Variants in EMSY observed in about 807,000 individuals in gnomAD.
The protein encoded by EMSY is EMSY transcriptional repressor, BRCA2 interacting.
EMSY carries 26 observed loss-of-function variants against 134.6 expected under a neutral mutation model. The ratio of observed to expected loss-of-function variants is 0.19; its 90% CI spans 0.14 to 0.27. The LOEUF (loss-of-function observed/expected upper bound fraction) is 0.27, where lower values mean the gene tolerates loss of function less well. EMSY is among the 10% of genes least tolerant of loss of function. EMSY has a pLI of 1.00. For missense variants in EMSY, 1,305 were observed against 1,611.4 expected, an observed-to-expected ratio of 0.81 and a Z score of 3.26; for synonymous variants, 579 against 577.8, an observed-to-expected ratio of 1.00 and a Z score of -0.03.
Position 76,544,604 on chromosome 11 carries a change from C to T in EMSY, c.3055C>T (p.Gln1019Ter), listed in dbSNP as rs2136763842. Residue 1019 changes from glutamine to a stop codon, truncating the protein, a stop_gained, in exon 19 of 21, where the codon CAG (glutamine) becomes TAG (stop). Coordinates refer to ENST00000334736, the Ensembl canonical transcript of EMSY. LOFTEE classifies it high-confidence loss of function. Reference sequence around the variant, plus strand: ...ACAAGCACAGCCCAAGCCAGATGTACAGCACACACAGCATCCCATGGTGGC... The same window carrying T: ...ACAAGCACAGCCCAAGCCAGATGTATAGCACACACAGCATCCCATGGTGGC... 1 of 1,614,142 alleles carries T rather than the reference C, an allele frequency of 6.2e-7. No homozygotes were observed. Among genetic ancestry groups the T allele is most frequent in the South Asian group, 1.1e-5 (1 of 91,070 alleles).
intron 8 of EMSY, among the ~76,000 whole-genome samples, chr11:76,481,693 C>T (rs1590853238): frequency 6.6e-6 from 1 of 152,228 alleles, no homozygotes; most frequent in Admixed American, 6.5e-5. Flanking sequence ...GACTGCCTCT[C>T]TAGATTCCTC....
chr11:76,526,864 G>T (rs1300011803), intron 13 of EMSY, among the ~76,000 whole-genome samples: 2 of 152,104 alleles, frequency 1.3e-5, no homozygotes, highest in African/African-American at 4.8e-5. Flanking sequence ...AAAGATTATG[G>T]GGAAATAATT....
At chr11:76,528,899 A>G (rs1350690090) in intron 14 of EMSY, among the ~76,000 whole-genome samples, 1 of 152,126 alleles carries the variant, frequency 6.6e-6, no homozygotes. Context: ...GTGGGCTGTA[A>G]GTAGGGTGAC....
At chr11:76,511,070 G>A (rs974517474) in intron 9 of EMSY, among the ~76,000 whole-genome samples, 4 of 152,052 alleles carry the variant, frequency 2.6e-5, no homozygotes, top group Non-Finnish European at 2.9e-5. Context: ...AGCCGATGCC[G>A]CCGTGCCAGA....
intron 7 of EMSY, among the ~76,000 whole-genome samples, chr11:76,470,770 C>G (rs79353237): frequency 6.6e-6 from 1 of 152,174 alleles, no homozygotes; most frequent in African/African-American, 2.4e-5. Context: ...GTATAAAAAT[C>G]TAAATTCCAC....
In EMSY at chr11:76,490,855, G is replaced by GTGTGT. The variant is rs1019049625; in HGVS notation, c.1109-5360_1109-5359insTGTGT. On this transcript the variant is annotated intron_variant, in intron 8 of 20. Transcript: ENST00000334736. ...GTTCTGGATATGTTCATTGCTAGGG[G>GTGTGT]GTGTGTGTGTGTGTGTGTGTGTGTG... is the stretch of plus-strand genomic sequence containing the variant. Among the ~76,000 whole-genome samples the GTGTGT allele has an allele frequency of 4.2e-4, 62 of 148,686 alleles. No individual in the cohort carries two copies. In the South Asian group the frequency reaches 7.1e-3, roughly 17 times the overall value.
At position 76,446,889 on chromosome 11, in the gene EMSY, TG is replaced by T. The variant is rs1407144927; in HGVS notation, c.-39-10del. 10 of 1,562,178 alleles carry T rather than the reference TG, an allele frequency of 6.4e-6. No individual in the cohort carries two copies. The highest frequency in any genetic ancestry group is 1.7e-4 in the Middle Eastern group (1 of 5,822). On this transcript the variant is annotated splice_polypyrimidine_tract_variant and intron_variant, in intron 1 of 20. Transcript: ENST00000334736. Reference sequence around the variant, plus strand: ...CTTTGGTAATTTGACTTTTTTTTTTTGTTCTGGTAGGGAGGACAAGCTCTTT... The same window carrying T: ...CTTTGGTAATTTGACTTTTTTTTTTTTTCTGGTAGGGAGGACAAGCTCTTT...
At chr11:76,447,472 A>C (rs1472461397) in intron 2 of EMSY, among the ~76,000 whole-genome samples, 2 of 152,200 alleles carry the variant, frequency 1.3e-5, no homozygotes, top group African/African-American at 4.8e-5. Flanking sequence ...TCATGATTGT[A>C]TGTGTCAATT....
rs928521094 is a variant in EMSY, at chr11:76,513,642, G to A, written c.1513+107G>A. On this transcript the variant is annotated intron_variant, in intron 10 of 20. Transcript: ENST00000334736. ...TTGGGATATAGAGATTAATGGGACA[G>A]TTTTTCAAAGAGGCCTTTCTTGATT... 4 of 1,225,906 alleles carry A rather than the reference G, an allele frequency of 3.3e-6. No individual in the cohort carries two copies. The East Asian group carries it at 1.0e-4, about 31-fold the overall frequency. The allele number at this position is 1,225,906 out of a possible 1,614,324, so 75.9% of individuals were successfully genotyped here.
chr11:76,500,108 T>TA (rs1337532193), intron 9 of EMSY, among the ~76,000 whole-genome samples: 52 of 146,480 alleles, frequency 3.5e-4, no homozygotes, highest in Admixed American at 1.8e-3. Flanking sequence ...CCCAAAACAA[T>TA]AAAAAAAATA....
chr11:76,531,216 A>T lies in EMSY; in HGVS notation c.2194+2750A>T, dbSNP rs757161889. On this transcript the variant is annotated intron_variant, in intron 14 of 20. Transcript: ENST00000334736. ...TAAGATACAGTTATCAAAGTCAAGA[A>T]ATTTAATGTTATAATAATTATCTAA... Among the ~76,000 whole-genome samples the T allele has an allele frequency of 3.8e-4, 58 of 152,188 alleles. 2 individuals are homozygous for T. The highest frequency in any genetic ancestry group is 3.7e-4 in the Non-Finnish European group (25 of 68,032).
intron 9 of EMSY, among the ~76,000 whole-genome samples, chr11:76,498,645 C>G (rs1949740199): frequency 6.6e-6 from 1 of 151,932 alleles, no homozygotes; most frequent in Non-Finnish European, 1.5e-5. Context: ...TAAAAAATTT[C>G]CATTCTTAAA....
intron 9 of EMSY, among the ~76,000 whole-genome samples, chr11:76,510,543 G>C (rs1261614653): frequency 3.9e-5 from 6 of 152,164 alleles, no homozygotes; most frequent in African/African-American, 1.4e-4. Flanking sequence ...AGCAGCCAAA[G>C]GTCCTCACAG....
chr11:76,448,821 G>A (rs60296855), intron 2 of EMSY, among the ~76,000 whole-genome samples: 1 of 151,984 alleles, frequency 6.6e-6, no homozygotes, highest in Admixed American at 6.6e-5. Flanking sequence ...TTAAAAATTA[G>A]CTGTATCCTT....
chr11:76,499,578 C>T (rs1438661211), intron 9 of EMSY, among the ~76,000 whole-genome samples: 11 of 152,174 alleles, frequency 7.2e-5, no homozygotes, highest in East Asian at 3.9e-4. Context: ...TGAGCCACTG[C>T]GCCCGGCCCC....
intron 9 of EMSY, among the ~76,000 whole-genome samples, chr11:76,501,923 T>G (rs1187905569): frequency 6.6e-6 from 1 of 151,392 alleles, no homozygotes; most frequent in African/African-American, 2.4e-5. Flanking sequence ...AAGAAAATCT[T>G]GAACACAGCA....
intron 9 of EMSY, 148 bp downstream of exon 10, chr11:76,496,617 C>G (rs754237872): frequency 2.3e-6 from 2 of 884,168 alleles, no homozygotes; most frequent in Non-Finnish European, 3.6e-6. Context: ...CATATAGATT[C>G]TGTATATGTT....
At chr11:76,471,798 T>C (rs901370195) in intron 7 of EMSY, among the ~76,000 whole-genome samples, 6 of 152,208 alleles carry the variant, frequency 3.9e-5, no homozygotes, top group African/African-American at 1.4e-4. Flanking sequence ...AGTTGTCTAC[T>C]ACTACTTTGT....
chr11:76,457,540 T>G (rs2510905), intron 4 of EMSY, among the ~76,000 whole-genome samples: 138,708 of 152,170 alleles, frequency 0.91, 63,961 homozygotes, highest in South Asian at 0.98. Flanking sequence ...ATAAATAAAA[T>G]TAATGGTGCG....
Sources: gnomAD v4.1 joint callset for allele counts (sites outside exome capture counted in the v4.1 genomes callset) on GRCh38, gnomAD v4.1.1 for gene constraint, MANE v1.5 for transcripts, NCBI Gene and HGNC (gene_info 2026-07-23, HGNC 2026-07-21) for gene names.